Variants in TRO observed in about 807,000 individuals in gnomAD.
TRO encodes the protein MAGE superfamily protein.
TRO carries 29 observed loss-of-function variants against 42.3 expected under a neutral mutation model. That is an observed-to-expected ratio of 0.68 (90% CI 0.51 to 0.93). The LOEUF is 0.93. Ranked by LOEUF, TRO falls within the 40% of genes least tolerant of loss-of-function variation. The pLI, the probability that TRO is intolerant of heterozygous loss-of-function variation, is 0.00. For synonymous variants in TRO, 384 were observed against 425.2 expected, an observed-to-expected ratio of 0.90 and a Z score of 1.19; for missense variants, 963 against 1,127.7, an observed-to-expected ratio of 0.85 and a Z score of 2.09.
intron 2 of TRO, 119 bp downstream of exon 2, chrX:54,922,410 C>G: frequency 1.0e-6 from 1 of 962,384 alleles, no homozygotes; most frequent in Non-Finnish European, 1.4e-6. Flanking sequence ...CTCAGTCCTC[C>G]CTTACATGGT....
At chrX:54,922,520 A>G in intron 2 of TRO, 58 bp from the exon 3 acceptor site, 1 of 1,088,988 alleles carries the variant, frequency 9.2e-7, no homozygotes, top group Non-Finnish European at 1.2e-6. Flanking sequence ...CCTTTGTGGA[A>G]AGGGATGGGC....
Position 54,923,537 on chromosome X carries a change from G to A in TRO, c.1005G>A (p.Leu335=), listed in dbSNP as rs770063162. The change falls in exon 3 of 13, where the codon CTG becomes CTA. Residue 335 remains leucine (L), a synonymous_variant. Transcript: ENST00000173898. ...IVTNQALAAT[L]RVKRGSRARK... is the part of the protein sequence containing the mutation. The stretch of plus-strand genomic sequence containing the variant: ...CAAACCAAGCCCTGGCAGCCACCCT[G>A]CGGGTCAAGAGAGGGTCTAGGGCTC... 3.4e-6 allele frequency: 4 copies of A among 1,189,655 alleles called. No homozygotes were observed. The South Asian group carries it at 7.3e-5, about 22-fold the overall frequency.
At chrX:54,926,805 C>G in intron 9 of TRO, 180 bp downstream of exon 9, 4 of 721,053 alleles carry the variant, frequency 5.5e-6, no homozygotes, top group Non-Finnish European at 2.0e-6. Context: ...TCTGCTGTCT[C>G]TCTCCTTAAT....
rs1323683815 is a variant in TRO at position 54,922,703 on chromosome X, C to T, written c.171C>T (p.Ala57=). The T allele has an allele frequency of 2.5e-6, 3 of 1,210,779 alleles. No individual in the cohort carries two copies. The highest frequency in any genetic ancestry group is 3.5e-5 in the South Asian group (2 of 56,765). The stretch of plus-strand genomic sequence containing the variant: ...TGGCGGCAACCAAGGACTCCCTGGC[C>T]ATGGACCCACCAGTTGTCAACCGGC... The part of the protein sequence containing the change: ...TLLAATKDSL[A]MDPPVVNRPK... Residue 57 remains alanine (A), a synonymous_variant, in exon 3 of 13, where the codon GCC becomes GCT. Coordinates refer to ENST00000173898, the MANE Select transcript of TRO (RefSeq NM_001039705.3).
At chrX:54,927,865 G>T in intron 11 of TRO, 84 bp downstream of exon 11, 1 of 738,307 alleles carries the variant, frequency 1.4e-6, no homozygotes. Flanking sequence ...GGATGGGCAG[G>T]TACAGAGCAG....
chrX:54,921,943 A>G (rs970076651), intron 1 of TRO: 106 of 220,645 alleles, frequency 4.8e-4, no homozygotes, highest in Non-Finnish European at 1.4e-4. Context: ...TGGGCCTAAG[A>G]TGGGGGGTGG....
chrX:54,929,544 TG>T lies in TRO; in HGVS notation c.2822del (p.Gly941AlafsTer13). 1 of 1,212,068 alleles carries T rather than the reference TG, an allele frequency of 8.3e-7. No individual in the cohort carries two copies. Among genetic ancestry groups the T allele is most frequent in the Non-Finnish European group, 1.1e-6 (1 of 895,534 alleles). The part of the protein sequence containing the change: ...GTLSTSVSFG[G>X]SSSTSANFGG... ...CACTTAGCACCAGTGTCTCCTTTGG[TG>T]GCTCTTCCAGCACCAGTGCCAATTT... On this transcript the variant is annotated frameshift_variant, in exon 12 of 13. Transcript: ENST00000173898. LOFTEE classifies it low-confidence loss of function (END_TRUNC).
Position 54,924,570 on chromosome X carries a change from C to T in TRO, c.1341+15C>T, listed in dbSNP as rs761281928. 2 of 1,199,511 alleles carry T rather than the reference C, an allele frequency of 1.7e-6. No individual in the cohort carries two copies. The highest frequency in any genetic ancestry group is 3.5e-5 in the African/African-American group (2 of 57,247). On this transcript the variant is annotated intron_variant, in intron 4 of 12. Transcript: ENST00000173898. ...TACAAGAAAGGGTAAGAATCCAATG[C>T]TGTCCAGTCTCTTCTCTTCTTCACT... is the stretch of plus-strand genomic sequence containing the variant.
rs1456561870 is a variant in TRO at position 54,930,960 on chromosome X, C to T, written c.4236C>T (p.Thr1412=). Residue 1412 remains threonine, a synonymous_variant, in exon 12 of 13, where the codon ACC becomes ACT. Coordinates refer to ENST00000173898, the MANE Select transcript of TRO (RefSeq NM_001039705.3). ...TGAGFGGGPS[T]SAGFGSGAAS... is the part of the protein sequence containing the mutation. ...CTGGCTTTGGTGGTGGACCGAGCAC[C>T]AGTGCTGGCTTTGGCAGTGGAGCCG... is the stretch of plus-strand genomic sequence containing the variant. The T allele has an allele frequency of 8.3e-7, 1 of 1,205,048 alleles. No homozygotes were observed. The highest frequency in any genetic ancestry group is 1.7e-5 in the African/African-American group (1 of 57,178).
chrX:54,927,612 T>A, intron 10 of TRO, 55 bp from the exon 11 acceptor site: 1 of 989,723 alleles, frequency 1.0e-6, no homozygotes, highest in Non-Finnish European at 1.4e-6. Context: ...TGGTGTCTAG[T>A]GCTTAGACAG....
Position 54,931,408 on chromosome X carries a change from G to T in TRO, c.*216G>T. 9.0e-7 allele frequency: 1 copy of T among 1,117,118 alleles called. No individual in the cohort carries two copies. The highest frequency in any genetic ancestry group is 1.2e-6 in the Non-Finnish European group (1 of 818,279). The allele number at this position is 1,117,118 out of a possible 1,213,427, so 92.1% of individuals were successfully genotyped here. A position where few individuals can be genotyped will look rare whatever the true frequency, so the allele number is the denominator to read the frequency against. On this transcript the variant is annotated 3_prime_UTR_variant, in exon 13 of 13. Coordinates refer to ENST00000173898, the MANE Select transcript of TRO (RefSeq NM_001039705.3). ...TGTGCTGTCATATTTTGGTATCAGAGTTACATTAAATTTGCAAAATGAATT... is the reference window on the plus strand; with the variant it reads ...TGTGCTGTCATATTTTGGTATCAGATTTACATTAAATTTGCAAAATGAATT...
At position 54,930,123 on chromosome X, in the gene TRO, C is replaced by T. The variant is rs747270714; in HGVS notation, c.3399C>T (p.Pro1133=). ...ACAGCATTGGCTTTGGTGCTGCTCC[C>T]AGCACCAGTGTCAGCTTTGGTGGTG... The part of the protein sequence containing the change: ...PSNSIGFGAA[P]STSVSFGGAH... The change falls in exon 12 of 13, where the codon CCC becomes CCT. Residue 1133 remains proline, a synonymous_variant. Coordinates refer to ENST00000173898, the MANE Select transcript of TRO (RefSeq NM_001039705.3). 1 of 1,209,673 alleles carries T rather than the reference C, an allele frequency of 8.3e-7. No homozygotes were observed. The highest frequency in any genetic ancestry group is 3.0e-5 in the East Asian group (1 of 33,697).
rs758869442 is a variant in TRO at position 54,930,211 on chromosome X, T to C, written c.3487T>C (p.Ser1163Pro). Residue 1163 changes from serine (S) to proline (P), a missense_variant, in exon 12 of 13, where the codon TCT becomes CCT. Transcript: ENST00000173898. Reference protein sequence around the residue: ...PSTSLCFGSASNTNLCFGGPP... With the variant: ...PSTSLCFGSAPNTNLCFGGPP... ...CACCAGCCTCTGCTTTGGCAGTGCA[T>C]CTAATACTAACCTATGCTTTGGTGG... The C allele has an allele frequency of 4.1e-6, 5 of 1,211,585 alleles. No individual in the cohort carries two copies. In the East Asian group the frequency reaches 1.5e-4, roughly 36 times the overall value.
At chrX:54,927,639 GA>G in intron 10 of TRO, 27 bp from the exon 11 acceptor site, 1 of 1,168,112 alleles carries the variant, frequency 8.6e-7, no homozygotes, top group Non-Finnish European at 1.2e-6. Context: ...TGCTTGGTTA[GA>G]AACAAGTTTC....
Position 54,923,571 on chromosome X carries a change from G to A in TRO, c.1039G>A (p.Ala347Thr). ...VKRGSRARKA[A>T]TKARATESQT... Reference sequence around the variant, plus strand: ...GAGAGGGTCTAGGGCTCGGAAGGCTGCCACTAAGGCTCGGGCAACTGAAAG... The same window carrying A: ...GAGAGGGTCTAGGGCTCGGAAGGCTACCACTAAGGCTCGGGCAACTGAAAG... Residue 347 changes from alanine to threonine, a missense_variant, in exon 3 of 13, where the codon GCC becomes ACC. Ala to Thr is a moderately conservative substitution (Grantham distance 58). Around this residue, in one of 2 missense-constraint regions of TRO, gnomAD observed 322 missense variants for 316.5 expected, o/e 1.02. Coordinates refer to ENST00000173898, the MANE Select transcript of TRO (RefSeq NM_001039705.3). 8.3e-7 allele frequency: 1 copy of A among 1,198,992 alleles called. No homozygotes were observed. Among genetic ancestry groups the A allele is most frequent in the Non-Finnish European group, 1.1e-6 (1 of 888,206 alleles).
rs997179052 is a variant in TRO at position 54,929,745 on chromosome X, C to T, written c.3021C>T (p.Val1007=). The T allele has an allele frequency of 1.7e-6, 2 of 1,211,076 alleles. No homozygotes were observed. The highest frequency in any genetic ancestry group is 4.3e-5 in the Admixed American group (2 of 46,043). The part of the protein sequence containing the change: ...ADFGGTLSTS[V]CFGGSPGTSV... The stretch of plus-strand genomic sequence containing the variant: ...TTGGCGGTACACTAAGCACCAGTGT[C>T]TGCTTTGGTGGCTCTCCTGGCACCA... Residue 1007 remains valine (V), a synonymous_variant, in exon 12 of 13, where the codon GTC becomes GTT. Transcript: ENST00000173898.
chrX:54,926,264 T>C, intron 7 of TRO, 146 bp from the exon 8 acceptor site: 1 of 546,875 alleles, frequency 1.8e-6, no homozygotes, highest in Non-Finnish European at 2.9e-6. Flanking sequence ...AAGCAGAGAC[T>C]GGGCAGAATT....
chrX:54,923,417 C>T lies in TRO; in HGVS notation c.885C>T (p.Ile295=). The change falls in exon 3 of 13, where the codon ATC becomes ATT. Residue 295 remains isoleucine (I), a synonymous_variant. Transcript: ENST00000173898. ...TRQIEASVVA[I]RPKKSKGKKA... The stretch of plus-strand genomic sequence containing the variant: ...AGATTGAGGCCTCAGTAGTGGCTAT[C>T]AGGCCCAAAAAATCCAAGGGCAAGA... 1 of 1,198,768 alleles carries T rather than the reference C, an allele frequency of 8.3e-7. No homozygotes were observed. Among genetic ancestry groups the T allele is most frequent in the Non-Finnish European group, 1.1e-6 (1 of 888,552 alleles).
At chrX:54,925,751 G>T (rs1191027244) in intron 7 of TRO, 68 bp downstream of exon 7, 1 of 939,607 alleles carries the variant, frequency 1.1e-6, no homozygotes, top group African/African-American at 1.9e-5. Flanking sequence ...CCCCTTCTTT[G>T]TCCTACTTCC....
Sources: gnomAD v4.1 joint callset for allele counts on GRCh38, gnomAD v4.1.1 for gene constraint, gnomAD v4.1.1 regional missense constraint, MANE v1.5 for transcripts, NCBI Gene and HGNC (gene_info 2026-07-23, HGNC 2026-07-21) for gene names.